The following NLRP2 variants were observed in gnomAD, a reference collection of about 807,000 sequenced individuals.
The protein encoded by NLRP2 is NACHT, LRR and PYD domains-containing protein 2.
NLRP2 carries 107 observed loss-of-function variants against 97.2 expected under a neutral mutation model. The ratio of observed to expected loss-of-function variants is 1.10; its 90% CI spans 0.94 to 1.29. The LOEUF is 1.29. Ranked by LOEUF, NLRP2 falls within the 50% of genes most tolerant of loss-of-function variation. The probability of loss-of-function intolerance (pLI) is 0.00; values close to 1 mark genes in which losing one functional copy is unlikely to be tolerated. For missense variants in NLRP2, 1,495 were observed against 1,330.3 expected (o/e 1.12, Z -1.93); for synonymous variants, 663 against 551.5 (o/e 1.20, Z -2.83).
At chr19:54,968,055 A>G (rs1043032374) in intron 1 of NLRP2, among the ~76,000 whole-genome samples, 5 of 151,442 alleles carry the variant, frequency 3.3e-5, no homozygotes, top group Non-Finnish European at 5.9e-5. Flanking sequence ...AGTAGCTGGG[A>G]CTACAGCCGC....
intron 12 of NLRP2, among the ~76,000 whole-genome samples, chr19:54,999,185 T>C (rs2146572849): frequency 6.6e-6 from 1 of 152,232 alleles, no homozygotes; most frequent in Non-Finnish European, 1.5e-5. Flanking sequence ...TTTACTCTTG[T>C]TGTCCAGCCT....
intron 11 of NLRP2, among the ~76,000 whole-genome samples, chr19:54,995,142 C>T (rs1460891510): frequency 4.7e-5 from 2 of 43,000 alleles, no homozygotes; most frequent in African/African-American, 4.8e-4. Context: ...GAAACTCCAT[C>T]TCTACTAAAA....
intron 4 of NLRP2, 96 bp from the exon 5 acceptor site, chr19:54,981,521 C>T: frequency 2.3e-6 from 1 of 430,398 alleles, no homozygotes; most frequent in South Asian, 1.7e-5. Flanking sequence ...CCCCCCTCCC[C>T]CCCGCCCCAT....
intron 3 of NLRP2, among the ~76,000 whole-genome samples, chr19:54,975,015 G>A (rs953744228): frequency 2.0e-5 from 3 of 150,808 alleles, no homozygotes; most frequent in African/African-American, 7.3e-5. Flanking sequence ...TGGCCAGGCT[G>A]GTCTTGAACT....
chr19:54,986,054 A>G, intron 7 of NLRP2, 97 bp from the exon 8 acceptor site: 1 of 827,864 alleles, frequency 1.2e-6, no homozygotes, highest in Admixed American at 2.1e-5. Context: ...TGGAAAAAAT[A>G]GTTCCTAAAG....
chr19:54,978,651 C>T (rs2071393194), intron 4 of NLRP2, among the ~76,000 whole-genome samples: 1 of 151,718 alleles, frequency 6.6e-6, no homozygotes, highest in Non-Finnish European at 1.5e-5. Context: ...AGATCGAGAC[C>T]ATCCTGGCCA....
At chr19:54,984,411 AT>A (rs2071902364) in intron 6 of NLRP2, among the ~76,000 whole-genome samples, 1 of 134,754 alleles carries the variant, frequency 7.4e-6, no homozygotes, top group Non-Finnish European at 1.5e-5. Flanking sequence ...AAGCACTGAG[AT>A]TACAGGCATG....
At chr19:54,990,288 C>T (rs551780916) in intron 9 of NLRP2, 96 bp downstream of exon 9, 2 of 1,297,444 alleles carry the variant, frequency 1.5e-6, no homozygotes, top group African/African-American at 1.5e-5. Flanking sequence ...GAACCTCTCG[C>T]TGATGTGAAC....
At chr19:54,981,927 C>T (rs749020697) in intron 5 of NLRP2, among the ~76,000 whole-genome samples, 1 of 152,040 alleles carries the variant, frequency 6.6e-6, no homozygotes, top group South Asian at 2.1e-4. Context: ...TACAGGCATG[C>T]GCCACCATGA....
At chr19:54,998,609 T>C (rs2072979594) in intron 12 of NLRP2, among the ~76,000 whole-genome samples, 3 of 68,634 alleles carry the variant, frequency 4.4e-5, no homozygotes, top group Non-Finnish European at 1.1e-4. Context: ...TGCATCTTTT[T>C]TCTTTTTTTT....
chr19:54,989,710 G>A (rs561936777), intron 8 of NLRP2: 48 of 480,466 alleles, frequency 1.0e-4, no homozygotes, highest in Middle Eastern at 1.2e-3. Context: ...TCTGCCGGGC[G>A]CGGTGGCTCA....
chr19:54,985,326 A>G, intron 7 of NLRP2, 109 bp downstream of exon 7: 1 of 1,044,290 alleles, frequency 9.6e-7, no homozygotes, highest in Non-Finnish European at 1.5e-6. Context: ...AGTGCTCGAG[A>G]CACAGGGAAT....
chr19:54,992,851 G>A (rs1328034865), intron 10 of NLRP2, among the ~76,000 whole-genome samples: 2 of 151,968 alleles, frequency 1.3e-5, no homozygotes, highest in Admixed American at 1.3e-4. Flanking sequence ...GAGCCACCGT[G>A]CCGGCCCCCT....
intron 3 of NLRP2, among the ~76,000 whole-genome samples, chr19:54,976,433 G>A (rs1022522501): frequency 4.0e-5 from 6 of 151,594 alleles, no homozygotes; most frequent in Middle Eastern, 3.4e-3. Flanking sequence ...TGCAGCCTCC[G>A]CCTCCCAGGT....
At chr19:54,989,973 T>C (rs1262956102) in intron 8 of NLRP2, 49 bp from the exon 9 acceptor site, 1 of 1,574,810 alleles carries the variant, frequency 6.3e-7, no homozygotes, top group Non-Finnish European at 8.6e-7. Flanking sequence ...AGAGTGAGAC[T>C]CAGTCTCAAA....
intron 7 of NLRP2, among the ~76,000 whole-genome samples, chr19:54,985,707 A>T (rs1015441537): frequency 6.7e-6 from 1 of 149,552 alleles, no homozygotes; most frequent in African/African-American, 2.5e-5. Context: ...AAGAAAAAGA[A>T]AAAAAGGGCC....
At chr19:54,988,225 T>G (rs998464595) in intron 8 of NLRP2, among the ~76,000 whole-genome samples, 1 of 152,136 alleles carries the variant, frequency 6.6e-6, no homozygotes, top group African/African-American at 2.4e-5. Flanking sequence ...CTCTTTTCTT[T>G]TTGCCTGAGA....
chr19:54,993,298 A>T (rs917070496), intron 10 of NLRP2: 2 of 151,190 alleles, frequency 1.3e-5, no homozygotes, highest in Non-Finnish European at 2.9e-5. Flanking sequence ...ATCGTCATGG[A>T]CTCCAATCTG....
In NLRP2 at chr19:54,989,105, G is replaced by A. The variant is rs113360911; in HGVS notation, c.2367-917G>A. ...CCTGAGTAGCTGGGACTACAGGCAC[G>A]TGTCGCCACGCCCATCTAACTTTTG... On this transcript the variant is annotated intron_variant, in intron 8 of 12. Coordinates refer to ENST00000448584, the MANE Select transcript of NLRP2 (RefSeq NM_017852.5). Among the ~76,000 whole-genome samples the A allele has an allele frequency of 8.7e-3, 1,319 of 151,906 alleles. 16 individuals are homozygous for A. The highest frequency in any genetic ancestry group is 0.03 in the African/African-American group (1,263 of 41,482).
Sources: allele counts gnomAD v4.1 joint callset (sites outside exome capture counted in the v4.1 genomes callset), GRCh38; gene constraint gnomAD v4.1.1; transcripts MANE v1.5; gene names NCBI Gene and HGNC (gene_info 2026-07-23, HGNC 2026-07-21).